The following NFIB variants were observed in gnomAD, a reference collection of about 807,000 sequenced individuals.
NFIB encodes nuclear factor I B.
In NFIB, 11 loss-of-function variants were observed where a neutral mutation model predicts 61.5. That is an observed-to-expected ratio of 0.18 (90% CI 0.11 to 0.30). NFIB has a LOEUF of 0.30. Ranked by LOEUF, NFIB falls within the 10% of genes least tolerant of loss-of-function variation. The pLI is 1.00. For synonymous variants in NFIB, 260 were observed against 216.5 expected, an observed-to-expected ratio of 1.20 and a Z score of -1.76; for missense variants, 471 against 608.9, an observed-to-expected ratio of 0.77 and a Z score of 2.38.
At chr9:14,314,248 G>T, upstream of NFIB, 1 of 740,244 alleles carries the variant, frequency 1.4e-6, no homozygotes. Flanking sequence ...GCTGATCTCT[G>T]GGGCGGAAGA....
chr9:14,382,368 G>C (rs2061498948), intron 1 of NFIB, among the ~76,000 whole-genome samples: 1 of 152,088 alleles, frequency 6.6e-6, no homozygotes, highest in Non-Finnish European at 1.5e-5. Context: ...GAGAGAGGGA[G>C]AGAGAGGGAG....
At chr9:14,489,709 T>C in the NFIB span, among the ~76,000 whole-genome samples, 7 of 152,136 alleles carry the variant, frequency 4.6e-5, no homozygotes, top group African/African-American at 9.6e-5. Flanking sequence ...ATAAAAATAA[T>C]AGTATGCCAC....
At chr9:14,215,824 A>G (rs113732381) in intron 2 of NFIB, among the ~76,000 whole-genome samples, 3 of 152,332 alleles carry the variant, frequency 2.0e-5, no homozygotes, top group Admixed American at 6.5e-5. Flanking sequence ...TTGCCCACTC[A>G]CTTGCTTTGT....
intron 10 of NFIB, among the ~76,000 whole-genome samples, chr9:14,101,969 T>C (rs962995469): frequency 3.3e-5 from 5 of 152,138 alleles, no homozygotes; most frequent in Admixed American, 6.5e-5. Context: ...CTATTTTTTT[T>C]CCCTACAACA....
the NFIB span, among the ~76,000 whole-genome samples, chr9:14,529,338 T>C: frequency 6.6e-6 from 1 of 152,258 alleles, no homozygotes; most frequent in African/African-American, 2.4e-5. Context: ...ACTGCAGCTT[T>C]GGAATTCAGG....
At chr9:14,259,451 C>T (rs995391467) in intron 2 of NFIB, among the ~76,000 whole-genome samples, 1 of 152,192 alleles carries the variant, frequency 6.6e-6, no homozygotes, top group Non-Finnish European at 1.5e-5. Flanking sequence ...CTGGACTTGA[C>T]TGTGGATTCT....
chr9:14,324,527 A>T (rs944019394), intron 1 of NFIB, among the ~76,000 whole-genome samples: 2 of 152,168 alleles, frequency 1.3e-5, no homozygotes, highest in Non-Finnish European at 1.5e-5. Flanking sequence ...ATTACATGCA[A>T]AGGAGAAAGG....
intron 10 of NFIB, among the ~76,000 whole-genome samples, chr9:14,089,105 C>T (rs927306290): frequency 1.1e-4 from 17 of 152,070 alleles, no homozygotes; most frequent in African/African-American, 4.1e-4. Flanking sequence ...CTTATTCTAA[C>T]CCTCTTTAAC....
intron 2 of NFIB, among the ~76,000 whole-genome samples, chr9:14,264,753 T>C (rs2057062282): frequency 6.6e-6 from 1 of 152,166 alleles, no homozygotes; most frequent in Admixed American, 6.5e-5. Context: ...AAAATATCAT[T>C]TTTAAGTTCC....
the NFIB span, among the ~76,000 whole-genome samples, chr9:14,446,864 C>T: frequency 1.3e-5 from 2 of 152,234 alleles, no homozygotes; most frequent in Non-Finnish European, 2.9e-5. Flanking sequence ...TCTTTCTCTA[C>T]CTACACACTT....
At chr9:14,532,047 T>G in the NFIB span, 1 of 152,634 alleles carries the variant, frequency 6.6e-6, no homozygotes, top group Non-Finnish European at 1.5e-5. Context: ...CTTCATCAGA[T>G]GCAGCTCAAT....
rs188945470 is a variant in NFIB at position 14,177,713 on chromosome 9, T to C, written c.616+2014A>G. ...TCATAAAATGTATTTATCTGTAGCA[T>C]CCCAGTTTCAGGACACAGTCTCAAA... On this transcript the variant is annotated intron_variant, in intron 3 of 10. Transcript: ENST00000380953. Among the ~76,000 whole-genome samples, 368 of 152,266 alleles carry C rather than the reference T, an allele frequency of 2.4e-3. 2 individuals carry two copies. Among genetic ancestry groups the C allele is most frequent in the African/African-American group, 8.4e-3 (348 of 41,576 alleles).
chr9:14,361,770 T>C (rs997308785), intron 1 of NFIB: 1 of 152,140 alleles, frequency 6.6e-6, no homozygotes, highest in African/African-American at 2.4e-5. Context: ...AGCCCTGTAA[T>C]AGCCTAAAAT....
At chr9:14,160,841 A>AC (rs1244656383) in intron 3 of NFIB, among the ~76,000 whole-genome samples, 1 of 149,802 alleles carries the variant, frequency 6.7e-6, no homozygotes, top group Non-Finnish European at 1.5e-5. Flanking sequence ...CAAAAAAAAA[A>AC]AAAAAAAAAA....
chr9:14,322,167 C>T, intron 1 of NFIB: 1 of 1,196,202 alleles, frequency 8.4e-7, no homozygotes, highest in Non-Finnish European at 1.0e-6. Context: ...GTTCTTGGCC[C>T]GAGAAGAAAA....
intron 2 of NFIB, among the ~76,000 whole-genome samples, chr9:14,296,702 G>C (rs1431048675): frequency 6.6e-6 from 1 of 152,214 alleles, no homozygotes; most frequent in Non-Finnish European, 1.5e-5. Flanking sequence ...CTGCTCCTGG[G>C]CTTCCAGCCT....
chr9:14,491,607 A>C, the NFIB span, among the ~76,000 whole-genome samples: 5 of 152,200 alleles, frequency 3.3e-5, no homozygotes, highest in Admixed American at 6.5e-5. Flanking sequence ...TGGCATTCTC[A>C]AGACACTCAT....
At chr9:14,322,195 C>G in intron 1 of NFIB, 1 of 1,040,592 alleles carries the variant, frequency 9.6e-7, no homozygotes, top group Non-Finnish European at 1.2e-6. Flanking sequence ...AAAGTCAAGT[C>G]TAAAAGCAGG....
intron 1 of NFIB, among the ~76,000 whole-genome samples, chr9:14,359,469 G>A (rs1269999543): frequency 6.6e-6 from 1 of 152,186 alleles, no homozygotes; most frequent in South Asian, 2.1e-4. Flanking sequence ...ATACCTGGAG[G>A]CACCAGAAGC....
Sources: allele counts gnomAD v4.1 joint callset (sites outside exome capture counted in the v4.1 genomes callset), GRCh38; gene constraint gnomAD v4.1.1; transcripts MANE v1.5; gene names NCBI Gene and HGNC (gene_info 2026-07-23, HGNC 2026-07-21).